PIK3R6: variants seen among roughly 807,000 people sequenced by gnomAD.
PIK3R6 encodes phosphoinositide 3-kinase regulatory subunit 6.
A neutral mutation model predicts 84.9 loss-of-function variants in PIK3R6; 91 were observed. The ratio of observed to expected loss-of-function variants is 1.07; its 90% CI spans 0.90 to 1.28. PIK3R6 has a LOEUF of 1.28. Among genes scored for constraint, PIK3R6 ranks in the 50% most tolerant of loss-of-function variants. PIK3R6 has a pLI of 0.00. For missense variants in PIK3R6, 996 were observed against 985.1 expected, an observed-to-expected ratio of 1.01 and a Z score of -0.15; for synonymous variants, 416 against 411.4, an observed-to-expected ratio of 1.01 and a Z score of -0.13.
intron 10 of PIK3R6, 150 bp downstream of exon 10, chr17:8,829,556 T>C (rs1174457018): frequency 1.8e-5 from 13 of 726,586 alleles, no homozygotes; most frequent in African/African-American, 2.8e-5. Context: ...AGACACACAC[T>C]CATGCACACA....
At chr17:8,804,227 G>C in intron 18 of PIK3R6, 74 bp from the exon 19 acceptor site, 1 of 1,236,164 alleles carries the variant, frequency 8.1e-7, no homozygotes, top group South Asian at 1.3e-5. Flanking sequence ...CCCTACCCTG[G>C]AATCTGGTGT....
chr17:8,853,410 G>A (rs1432099112), intron 1 of PIK3R6, among the ~76,000 whole-genome samples: 11 of 148,376 alleles, frequency 7.4e-5, no homozygotes, highest in African/African-American at 2.2e-4. Context: ...GTGTGAACTC[G>A]GGCAGTGGAG....
intron 1 of PIK3R6, among the ~76,000 whole-genome samples, chr17:8,865,632 C>T (rs1268908461): frequency 2.0e-5 from 3 of 147,114 alleles, no homozygotes; most frequent in Non-Finnish European, 4.5e-5. Flanking sequence ...TGGATCGGAG[C>T]GTGTGGTGAG....
chr17:8,831,328 T>TAAAAAAAAAAAA lies in PIK3R6; in HGVS notation c.803-1548_803-1537dup, dbSNP rs60650147. ...CTGGGTGACAGAGCAAGACCCTGTCTAAAAAAAAAAAAAAAAAAAAAAAAA... is the reference window on the plus strand; with the variant it reads ...CTGGGTGACAGAGCAAGACCCTGTCTAAAAAAAAAAAAAAAAAAAAAAAAAAAAAAAAAAAAA... On this transcript the variant is annotated intron_variant, in intron 9 of 19. Transcript: ENST00000619866. Among the ~76,000 whole-genome samples, 49 of 33,080 alleles carry TAAAAAAAAAAAA rather than the reference T, an allele frequency of 1.5e-3. 3 individuals carry two copies. Among genetic ancestry groups the TAAAAAAAAAAAA allele is most frequent in the African/African-American group, 4.1e-3 (29 of 7,118 alleles). The allele number at this position is 33,080 out of a possible 152,430, so 21.7% of individuals were successfully genotyped here.
chr17:8,814,215 C>CTTTTTTTT (rs112750429), intron 18 of PIK3R6, among the ~76,000 whole-genome samples: 1,791 of 85,406 alleles, frequency 0.021, 198 homozygotes, highest in African/African-American at 0.049. Context: ...AGAGAGAGAT[C>CTTTTTTTT]TTTTTTTTTT....
At chr17:8,837,982 G>C (rs193109348) in intron 4 of PIK3R6, 111 bp from the exon 5 acceptor site, 942 of 893,268 alleles carry the variant, frequency 1.1e-3, no homozygotes, top group Non-Finnish European at 1.5e-3. Flanking sequence ...AGGCAGCCAG[G>C]GGGAGAGCAA....
chr17:8,863,808 A>G lies in PIK3R6; in HGVS notation c.-92+3721T>C, dbSNP rs138853181. On this transcript the variant is annotated intron_variant, in intron 1 of 19. Transcript: ENST00000619866. ...TCGGCCTCCCAAAGTGCTGGGGATT[A>G]CAGGCGTGAGCCACCGCGCCCGGCC... 1.9e-4 allele frequency among the ~76,000 whole-genome samples: 29 copies of G among 152,332 alleles called. 1 individual carries two copies. The East Asian group carries it at 5.2e-3, about 27-fold the overall frequency.
chr17:8,849,239 C>T (rs964455262), intron 2 of PIK3R6, among the ~76,000 whole-genome samples: 3 of 152,240 alleles, frequency 2.0e-5, no homozygotes, highest in Non-Finnish European at 4.4e-5. Flanking sequence ...CAGAATCCTT[C>T]TGGCATTTTT....
intron 18 of PIK3R6, among the ~76,000 whole-genome samples, chr17:8,816,608 C>T (rs8069851): frequency 0.023 from 3,450 of 151,980 alleles, 128 homozygotes; most frequent in African/African-American, 0.076. Context: ...CCTCACACTA[C>T]AAAATAGGAT....
chr17:8,809,800 A>ACTCTAAGACATTTC (rs1237962834), intron 18 of PIK3R6, among the ~76,000 whole-genome samples: 2 of 152,180 alleles, frequency 1.3e-5, no homozygotes, highest in African/African-American at 4.8e-5. Flanking sequence ...AAAGACATTT[A>ACTCTAAGACATTTC]CACTCTAAGG....
At chr17:8,852,919 T>A (rs1165417450) in intron 1 of PIK3R6, among the ~76,000 whole-genome samples, 1 of 152,158 alleles carries the variant, frequency 6.6e-6, no homozygotes, top group Non-Finnish European at 1.5e-5. Flanking sequence ...ATATTCATAC[T>A]TTTTTGTCTA....
intron 1 of PIK3R6, among the ~76,000 whole-genome samples, chr17:8,865,568 G>A (rs1254630921): frequency 6.6e-6 from 1 of 151,654 alleles, no homozygotes; most frequent in African/African-American, 2.4e-5. Flanking sequence ...TGCCCTCAGG[G>A]TTTCAGGGGC....
rs150237469 is a variant in PIK3R6 at position 8,836,822 on chromosome 17, C to G, written c.360G>C (p.Ala120=). 3.1e-6 allele frequency: 5 copies of G among 1,603,742 alleles called. No individual in the cohort carries two copies. Among genetic ancestry groups the G allele is most frequent in the Non-Finnish European group, 4.3e-6 (5 of 1,174,996 alleles). Residue 120 remains alanine (A), a synonymous_variant, in exon 6 of 20, where the codon GCG becomes GCC. Coordinates refer to ENST00000619866, the MANE Select transcript of PIK3R6 (RefSeq NM_001010855.4). The part of the protein sequence containing the change: ...TPYCTVALDC[A]IRLKTEMAVP... ...CAGCCATCTCCGTTTTCAGCCTTAT[C>G]GCGCAGTCCAAGGCGACTGTGCAGT... is the stretch of plus-strand genomic sequence containing the variant.
In PIK3R6 at chr17:8,839,252, G is replaced by A. The variant is rs1307432586; in HGVS notation, c.97+362C>T. 6.6e-6 allele frequency among the ~76,000 whole-genome samples: 1 copy of A among 152,144 alleles called. No homozygotes were observed. The highest frequency in any genetic ancestry group is 2.4e-5 in the African/African-American group (1 of 41,414). Reference sequence around the variant, plus strand: ...AATCTCAGCTACTTGGGAGGCTGAGGCAGGAGGATCGCTTGAACCAGGGAG... The same window carrying A: ...AATCTCAGCTACTTGGGAGGCTGAGACAGGAGGATCGCTTGAACCAGGGAG... On this transcript the variant is annotated intron_variant, in intron 3 of 19. Coordinates refer to ENST00000619866, the MANE Select transcript of PIK3R6 (RefSeq NM_001010855.4). The surrounding 1 kb of genome is among the most constrained non-coding windows in gnomAD (Gnocchi z 4.2).
At chr17:8,858,876 A>T (rs2089206578) in intron 1 of PIK3R6, among the ~76,000 whole-genome samples, 1 of 152,122 alleles carries the variant, frequency 6.6e-6, no homozygotes. Flanking sequence ...AGGTTTTGCA[A>T]TTCATCCATC....
At chr17:8,864,942 G>A (rs566472353) in intron 1 of PIK3R6, among the ~76,000 whole-genome samples, 3 of 152,290 alleles carry the variant, frequency 2.0e-5, no homozygotes, top group Admixed American at 6.5e-5. Context: ...CATCAGCACT[G>A]AACAAGTCGC....
rs377265909 is a variant in PIK3R6, at chr17:8,824,052, C to G, written c.1516-555G>C. Among the ~76,000 whole-genome samples the G allele has an allele frequency of 1.5e-4, 23 of 152,206 alleles. No individual in the cohort carries two copies. In the East Asian group the frequency reaches 4.4e-3, roughly 29 times the overall value. On this transcript the variant is annotated intron_variant, in intron 13 of 19. Transcript: ENST00000619866. ...TGGGAGGCTGAGGTGGGCGGGTCACCTGAGGTCAGGAGTTCGAGACCAGCC... is the reference window on the plus strand; with the variant it reads ...TGGGAGGCTGAGGTGGGCGGGTCACGTGAGGTCAGGAGTTCGAGACCAGCC...
At chr17:8,847,629 C>G (rs144284974) in intron 2 of PIK3R6, among the ~76,000 whole-genome samples, 1 of 151,894 alleles carries the variant, frequency 6.6e-6, no homozygotes, top group Non-Finnish European at 1.5e-5. Flanking sequence ...GGTGAAACCC[C>G]GTCTCTACTA....
intron 8 of PIK3R6, among the ~76,000 whole-genome samples, chr17:8,833,816 A>G (rs1244870135): frequency 6.6e-6 from 1 of 151,946 alleles, no homozygotes; most frequent in Non-Finnish European, 1.5e-5. Flanking sequence ...TTGGGATTAC[A>G]GGCGTGAACC....
Sources: allele counts gnomAD v4.1 joint callset (sites outside exome capture counted in the v4.1 genomes callset), GRCh38; gene constraint gnomAD v4.1.1; non-coding constraint Gnocchi (gnomAD v3.1); transcripts MANE v1.5; gene names NCBI Gene and HGNC (gene_info 2026-07-23, HGNC 2026-07-21).